Variants in C3orf18 observed in about 807,000 individuals in gnomAD.
The protein encoded by C3orf18 is uncharacterized protein C3orf18.
C3orf18 carries 12 observed loss-of-function variants against 14.1 expected under a neutral mutation model. The observed-to-expected ratio is 0.85, with a 90% CI of 0.55 to 1.38. The LOEUF is 1.38. Ranked by LOEUF, C3orf18 falls within the 40% of genes most tolerant of loss-of-function variation. The pLI is 0.00. For missense variants in C3orf18, 196 were observed against 213.9 expected (o/e 0.92, Z 0.52); for synonymous variants, 82 against 87.9 (o/e 0.93, Z 0.38).
In C3orf18 at chr3:50,565,663, T is replaced by C. The variant is rs1247282485; in HGVS notation, c.37A>G (p.Ser13Gly). Residue 13 changes from serine (S) to glycine (G), a missense_variant, in exon 3 of 6, where the codon AGC becomes GGC. Physicochemically the swap from Ser to Gly is moderately conservative, Grantham distance 56 (BLOSUM62 0). Coordinates refer to ENST00000357203, the MANE Select transcript of C3orf18 (RefSeq NM_016210.5). The surrounding 1 kb of genome is among the most constrained non-coding windows in gnomAD (Gnocchi z 4.4). ...GACTCAGAGGTGGGTGGGCGGCTGC[T>C]GAACCAGCCCCTAGCAGATGCGGTC... ...SRTASARGWFSSRPPTSESDL... is the reference protein window; with the variant it reads ...SRTASARGWFGSRPPTSESDL... 6.2e-7 allele frequency: 1 copy of C among 1,612,568 alleles called. No homozygotes were observed. Among genetic ancestry groups the C allele is most frequent in the Non-Finnish European group, 8.5e-7 (1 of 1,179,966 alleles).
At chr3:50,562,884 C>G (rs771367321) in intron 3 of C3orf18, among the ~76,000 whole-genome samples, 20 of 152,240 alleles carry the variant, frequency 1.3e-4, no homozygotes, top group Non-Finnish European at 2.6e-4. Flanking sequence ...GACCTCTAGG[C>G]CAGAGTAAGA....
chr3:50,563,328 C>T (rs780648423), intron 3 of C3orf18, among the ~76,000 whole-genome samples: 2 of 152,130 alleles, frequency 1.3e-5, no homozygotes, highest in African/African-American at 2.4e-5. Context: ...CAGCCCCAGC[C>T]CCTGTGGTCC....
At position 50,561,067 on chromosome 3, in the gene C3orf18, G is replaced by A. The variant is rs775162128; in HGVS notation, c.261-3C>T. On this transcript the variant is annotated splice_region_variant and splice_polypyrimidine_tract_variant and intron_variant, in intron 4 of 5. Transcript: ENST00000357203. ...GCTGGTGGCGTAGCTTCTCCAGCCT[G>A]GGGATGGGGGCAAAGGCTGCTGGGG... 2 of 1,613,444 alleles carry A rather than the reference G, an allele frequency of 1.2e-6. No homozygotes were observed. Among genetic ancestry groups the A allele is most frequent in the Non-Finnish European group, 1.7e-6 (2 of 1,179,694 alleles).
chr3:50,559,500 T>G lies in C3orf18; in HGVS notation c.*157A>C, dbSNP rs948737527. ...TAGGGCCCTCTCTTAGAGTCTAAAG[T>G]CAGCAGGTGGGTCTGGAGAACAGCT... On this transcript the variant is annotated 3_prime_UTR_variant, in exon 6 of 6. Transcript: ENST00000357203. 7.0e-7 allele frequency: 1 copy of G among 1,428,704 alleles called. No homozygotes were observed. The highest frequency in any genetic ancestry group is 9.2e-7 in the Non-Finnish European group (1 of 1,088,548). The allele number at this position is 1,428,704 out of a possible 1,614,324, so 88.5% of individuals were successfully genotyped here.
At chr3:50,562,628 G>C (rs1250425676) in intron 3 of C3orf18, 3 of 449,116 alleles carry the variant, frequency 6.7e-6, no homozygotes, top group African/African-American at 4.0e-5. Context: ...GCAGTGGCCA[G>C]ACTCTGTAGC....
upstream of C3orf18, among the ~76,000 whole-genome samples, chr3:50,573,479 A>G (rs1575909134): frequency 6.6e-6 from 1 of 152,182 alleles, no homozygotes; most frequent in African/African-American, 2.4e-5. Context: ...CTGACCTGGC[A>G]CCAGCCATAT....
chr3:50,559,565 T>C lies in C3orf18; in HGVS notation c.*92A>G. 2 of 1,444,814 alleles carry C rather than the reference T, an allele frequency of 1.4e-6. No homozygotes were observed. The highest frequency in any genetic ancestry group is 3.0e-5 in the South Asian group (2 of 66,512). 89.5% of individuals were successfully genotyped at this position (1,444,814 alleles called of 1,614,324 possible). A position where few individuals can be genotyped will look rare whatever the true frequency, so the allele number is the denominator to read the frequency against. ...CCCTCTTGTGTCTTGGCAGGGAAGA[T>C]CTTCAGAGTAGGTCTTGACAATCAG... On this transcript the variant is annotated 3_prime_UTR_variant, in exon 6 of 6. Coordinates refer to ENST00000357203, the MANE Select transcript of C3orf18 (RefSeq NM_016210.5).
intron 4 of C3orf18, 97 bp downstream of exon 4, chr3:50,561,625 C>G (rs1484632734): frequency 8.0e-7 from 1 of 1,254,828 alleles, no homozygotes; most frequent in Non-Finnish European, 1.2e-6. Context: ...GGCCTTGACT[C>G]CCTGATCAGC....
At position 50,567,560 on chromosome 3, in the gene C3orf18, G is replaced by A. The variant is rs1342342189; in HGVS notation, c.-349C>T. 6.6e-6 allele frequency: 1 copy of A among 152,280 alleles called. No homozygotes were observed. The highest frequency in any genetic ancestry group is 1.5e-5 in the Non-Finnish European group (1 of 68,072). 9.4% of individuals were successfully genotyped at this position (152,280 alleles called of 1,614,324 possible). A position where few individuals can be genotyped will look rare whatever the true frequency, so the allele number is the denominator to read the frequency against. On this transcript the variant is annotated 5_prime_UTR_variant, in exon 1 of 6. Coordinates refer to ENST00000357203, the MANE Select transcript of C3orf18 (RefSeq NM_016210.5). The stretch of plus-strand genomic sequence containing the variant: ...GGGGAACCCCCAAGCCCGGCGTCTG[G>A]GGCTGCGGGTCCGACCCGAGATCCG...
chr3:50,566,997 G>A (rs1283833968), intron 1 of C3orf18, among the ~76,000 whole-genome samples: 1 of 152,176 alleles, frequency 6.6e-6, no homozygotes, highest in Non-Finnish European at 1.5e-5. Context: ...TCCCTGTGCA[G>A]ATGCATGGGC....
chr3:50,571,346 T>C (rs376831388), upstream of C3orf18: 3 of 1,554,210 alleles, frequency 1.9e-6, no homozygotes, highest in African/African-American at 1.4e-5. Flanking sequence ...AAGTTTAGTG[T>C]TGTCAAGAGG....
chr3:50,559,635 G>A lies in C3orf18; in HGVS notation c.*22C>T, dbSNP rs1699842379. ...GCACCGTGATGGGTCTCTATCAGAA[G>A]TCCAGGCTTGTCCCAGGCCACTCAC... On this transcript the variant is annotated 3_prime_UTR_variant, in exon 6 of 6. Transcript: ENST00000357203. 1.3e-6 allele frequency: 2 copies of A among 1,547,074 alleles called. No individual in the cohort carries two copies. Among genetic ancestry groups the A allele is most frequent in the Non-Finnish European group, 1.7e-6 (2 of 1,143,732 alleles).
intron 3 of C3orf18, among the ~76,000 whole-genome samples, chr3:50,564,345 T>C (rs1003390862): frequency 4.6e-5 from 7 of 152,168 alleles, no homozygotes; most frequent in African/African-American, 1.7e-4. Flanking sequence ...ACAGCCCATA[T>C]CCTTAGGGAC....
chr3:50,563,106 C>T (rs1700089050), intron 3 of C3orf18, among the ~76,000 whole-genome samples: 1 of 152,204 alleles, frequency 6.6e-6, no homozygotes, highest in African/African-American at 2.4e-5. Context: ...CCATTCACAG[C>T]TTGAATCTGG....
At chr3:50,568,727 AAAAAAAAAAAAAAAAAAAAG>A (rs1185723360), upstream of C3orf18, among the ~76,000 whole-genome samples, 3 of 2,586 alleles carry the variant, frequency 1.2e-3, no homozygotes, top group Admixed American at 1.9e-3. Context: ...CTCCGTCTCA[AAAAAAAAAAAAAAAAAAAAG>A]AAAAAAAGAA....
rs1700002718 is a variant in C3orf18, at chr3:50,561,949, G to C, written c.235-202C>G. The C allele has an allele frequency of 9.6e-6, 6 of 623,322 alleles. No homozygotes were observed. In the South Asian group the frequency reaches 1.1e-4, roughly 12 times the overall value. The allele number at this position is 623,322 out of a possible 1,614,324, so 38.6% of individuals were successfully genotyped here. A position where few individuals can be genotyped will look rare whatever the true frequency, so the allele number is the denominator to read the frequency against. ...GAGTCTTGCTCTGTCACCCAGGCTG[G>C]AGTGCAGTGGCACAATCTCGGCTCA... On this transcript the variant is annotated intron_variant, in intron 3 of 5. Transcript: ENST00000357203.
chr3:50,560,107 G>A (rs1274273321), intron 5 of C3orf18, among the ~76,000 whole-genome samples: 1 of 152,224 alleles, frequency 6.6e-6, no homozygotes, highest in East Asian at 1.9e-4. Flanking sequence ...GTGGACCAAG[G>A]TTCTCAGTGC....
chr3:50,560,033 A>G (rs566896947), intron 5 of C3orf18, among the ~76,000 whole-genome samples: 1 of 152,316 alleles, frequency 6.6e-6, no homozygotes, highest in East Asian at 1.9e-4. Flanking sequence ...GCCCTAGCAC[A>G]GGGGCTGGTA....
intron 1 of C3orf18, among the ~76,000 whole-genome samples, chr3:50,566,456 G>A (rs1308128545): frequency 2.0e-5 from 3 of 152,044 alleles, no homozygotes; most frequent in Non-Finnish European, 4.4e-5. Flanking sequence ...AGAACAAACA[G>A]GTGTCGAAGA....
Sources: gnomAD v4.1 joint callset for allele counts (sites outside exome capture counted in the v4.1 genomes callset) on GRCh38, gnomAD v4.1.1 for gene constraint, Gnocchi (gnomAD v3.1) non-coding constraint, MANE v1.5 for transcripts, NCBI Gene and HGNC (gene_info 2026-07-23, HGNC 2026-07-21) for gene names.